The following SLC8A1 variants were observed in gnomAD, a reference collection of about 807,000 sequenced individuals.
The protein encoded by SLC8A1 is solute carrier family 8 member A1, also known as sodium/calcium exchanger 1.
SLC8A1 carries 18 observed loss-of-function variants against 68.3 expected under a neutral mutation model. The ratio of observed to expected loss-of-function variants is 0.26; its 90% CI spans 0.18 to 0.39. The LOEUF is 0.39. SLC8A1 is among the 10% of genes least tolerant of loss of function. The pLI is 1.00. For synonymous variants in SLC8A1, 475 were observed against 415.5 expected, an observed-to-expected ratio of 1.14 and a Z score of -1.74; for missense variants, 985 against 1,156.7, an observed-to-expected ratio of 0.85 and a Z score of 2.15.
At chr2:40,208,922 G>T (rs567708164) in intron 2 of SLC8A1, 45 of 152,094 alleles carry the variant, frequency 3.0e-4, no homozygotes, top group African/African-American at 1.0e-3. Context: ...CTTTGAGATG[G>T]TTTAGTCCAG....
intron 2 of SLC8A1, among the ~76,000 whole-genome samples, chr2:40,376,158 C>G (rs1402765786): frequency 6.6e-6 from 1 of 152,070 alleles, no homozygotes; most frequent in Non-Finnish European, 1.5e-5. Flanking sequence ...TTAAGTTTCA[C>G]TGATTGCAAT....
In SLC8A1 at chr2:40,438,923, C is replaced by G. The variant is rs1037925898; in HGVS notation, c.-24-8619G>C. ...CAGGAACAGCACACAGGGCATGGGG[C>G]TTGTTTAGCAAACAGACTGGAAGTG... is the stretch of plus-strand genomic sequence containing the variant. On this transcript the variant is annotated intron_variant, in intron 1 of 7. Coordinates refer to ENST00000406785, the Ensembl canonical transcript of SLC8A1. 2.6e-5 allele frequency among the ~76,000 whole-genome samples: 4 copies of G among 152,084 alleles called. No homozygotes were observed. The South Asian group carries it at 8.3e-4, about 32-fold the overall frequency.
chr2:40,334,108 A>C (rs1020777944), intron 2 of SLC8A1, among the ~76,000 whole-genome samples: 3 of 152,200 alleles, frequency 2.0e-5, no homozygotes, highest in Non-Finnish European at 2.9e-5. Context: ...ATTTTGTTGC[A>C]ACATCATCAA....
intron 2 of SLC8A1, among the ~76,000 whole-genome samples, chr2:40,321,541 T>G (rs1208439256): frequency 1.3e-5 from 2 of 152,094 alleles, no homozygotes; most frequent in African/African-American, 4.8e-5. Context: ...GAAAAGAGGT[T>G]TAATTGACTC....
intron 2 of SLC8A1, among the ~76,000 whole-genome samples, chr2:40,200,192 T>TATTTA (rs2053920580): frequency 1.1e-3 from 11 of 9,624 alleles, no homozygotes; most frequent in African/African-American, 3.0e-3. Flanking sequence ...ATATATATAT[T>TATTTA]TATATATATA....
At chr2:40,315,989 T>A (rs62150814) in intron 2 of SLC8A1, among the ~76,000 whole-genome samples, 2,331 of 152,152 alleles carry the variant, frequency 0.015, 35 homozygotes, top group Non-Finnish European at 0.024. Context: ...ACCTTCTATG[T>A]AGAAAATAGT....
intron 2 of SLC8A1, among the ~76,000 whole-genome samples, chr2:40,424,551 C>G (rs1044392892): frequency 2.6e-5 from 4 of 151,680 alleles, no homozygotes; most frequent in Non-Finnish European, 5.9e-5. Context: ...GTTAAGATGT[C>G]TTACACATAC....
At chr2:40,156,803 T>C (rs955061126) in intron 6 of SLC8A1, among the ~76,000 whole-genome samples, 9 of 152,230 alleles carry the variant, frequency 5.9e-5, no homozygotes, top group Non-Finnish European at 1.2e-4. Context: ...TATGCCTCTG[T>C]GTACGTGCAT....
chr2:40,472,098 G>T (rs1419116676), intron 1 of SLC8A1, among the ~76,000 whole-genome samples: 1 of 152,162 alleles, frequency 6.6e-6, no homozygotes, highest in Non-Finnish European at 1.5e-5. Flanking sequence ...AAAGTGGTAT[G>T]GAAGGCCAAG....
intron 2 of SLC8A1, among the ~76,000 whole-genome samples, chr2:40,307,277 T>C (rs1348338998): frequency 6.6e-6 from 1 of 152,158 alleles, no homozygotes; most frequent in Non-Finnish European, 1.5e-5. Context: ...GACATTGTGC[T>C]AAGTGAAACA....
chr2:40,167,416 G>A (rs2046732342), intron 4 of SLC8A1, among the ~76,000 whole-genome samples: 1 of 152,062 alleles, frequency 6.6e-6, no homozygotes, highest in African/African-American at 2.4e-5. Context: ...GTGACTTAAA[G>A]TTTTCTTTTA....
At chr2:40,218,782 T>C (rs1254059567) in intron 2 of SLC8A1, among the ~76,000 whole-genome samples, 1 of 152,114 alleles carries the variant, frequency 6.6e-6, no homozygotes, top group Non-Finnish European at 1.5e-5. Context: ...GACCTGTTTC[T>C]TCTATTTTAG....
At chr2:40,134,777 A>G (rs1161704088) in intron 7 of SLC8A1, among the ~76,000 whole-genome samples, 1 of 152,246 alleles carries the variant, frequency 6.6e-6, no homozygotes, top group African/African-American at 2.4e-5. Flanking sequence ...CCCAAAGACA[A>G]ACACACAGAT....
chr2:40,499,904 G>C (rs1192912099), intron 1 of SLC8A1, among the ~76,000 whole-genome samples: 3 of 151,972 alleles, frequency 2.0e-5, no homozygotes, highest in Non-Finnish European at 4.4e-5. Flanking sequence ...ATATTCTCGG[G>C]TATAAACTGA....
At chr2:40,215,473 T>A (rs2057318955) in intron 2 of SLC8A1, among the ~76,000 whole-genome samples, 1 of 151,660 alleles carries the variant, frequency 6.6e-6, no homozygotes, top group Non-Finnish European at 1.5e-5. Flanking sequence ...CCGTCTCTAC[T>A]AAAAATACAA....
intron 2 of SLC8A1, among the ~76,000 whole-genome samples, chr2:40,336,295 G>A (rs1665956028): frequency 6.6e-6 from 1 of 152,114 alleles, no homozygotes. Context: ...CTGTACCAAT[G>A]TCCAGTATAT....
chr2:40,192,124 G>T (rs1028007422), intron 2 of SLC8A1, among the ~76,000 whole-genome samples: 1 of 152,018 alleles, frequency 6.6e-6, no homozygotes, highest in South Asian at 2.1e-4. Context: ...CACACTTTAA[G>T]CATTTTCACA....
At chr2:40,243,010 T>C (rs1342655369) in intron 2 of SLC8A1, among the ~76,000 whole-genome samples, 1 of 152,206 alleles carries the variant, frequency 6.6e-6, no homozygotes, top group East Asian at 1.9e-4. Context: ...TGCCAAATCA[T>C]TCATTCATTC....
At chr2:40,262,944 T>A (rs1293743137) in intron 2 of SLC8A1, among the ~76,000 whole-genome samples, 2 of 152,198 alleles carry the variant, frequency 1.3e-5, no homozygotes, top group African/African-American at 2.4e-5. Context: ...ATCAGTACAG[T>A]AACAATGTCC....
Sources: allele counts gnomAD v4.1 joint callset (sites outside exome capture counted in the v4.1 genomes callset), GRCh38; gene constraint gnomAD v4.1.1; transcripts MANE v1.5; gene names NCBI Gene and HGNC (gene_info 2026-07-23, HGNC 2026-07-21).